NCKAP5: variants seen among roughly 807,000 people sequenced by gnomAD.
The protein encoded by NCKAP5 is NCK associated protein 5.
In NCKAP5, 92 loss-of-function variants were observed where a neutral mutation model predicts 167.0. That is an observed-to-expected ratio of 0.55 (90% confidence interval 0.47 to 0.66). NCKAP5 has a LOEUF of 0.66. Ranked by LOEUF, NCKAP5 falls within the 30% of genes least tolerant of loss-of-function variation. NCKAP5 has a pLI of 0.00. For synonymous variants in NCKAP5, 891 were observed against 877.4 expected, an observed-to-expected ratio of 1.02 and a Z score of -0.27; for missense variants, 2,378 against 2,315.0, an observed-to-expected ratio of 1.03 and a Z score of -0.56.
chr2:133,411,459 C>G (rs989972629), intron 3 of NCKAP5, among the ~76,000 whole-genome samples: 1 of 152,208 alleles, frequency 6.6e-6, no homozygotes, highest in African/African-American at 2.4e-5. Context: ...GGAGAAGGAT[C>G]TGCAGCAGGA....
Position 133,513,911 on chromosome 2 carries a change from T to A in NCKAP5, c.69+3547A>T, listed in dbSNP as rs1037071855. 6.6e-5 allele frequency among the ~76,000 whole-genome samples: 10 copies of A among 152,242 alleles called. No individual in the cohort carries two copies. The South Asian group carries it at 2.1e-3, about 31-fold the overall frequency. Reference sequence around the variant, plus strand: ...AAGAAAGATAACTCATGCTCCAGCATGCTCATCAGCTAAATACTACCACAG... The same window carrying A: ...AAGAAAGATAACTCATGCTCCAGCAAGCTCATCAGCTAAATACTACCACAG... On this transcript the variant is annotated intron_variant, in intron 3 of 19. Transcript: ENST00000409261.
At chr2:133,327,401 C>T (rs867270081) in intron 3 of NCKAP5, among the ~76,000 whole-genome samples, 1 of 152,276 alleles carries the variant, frequency 6.6e-6, no homozygotes, top group Middle Eastern at 3.4e-3. Context: ...GGATTCAAAT[C>T]CCAATTCTAG....
intron 4 of NCKAP5, among the ~76,000 whole-genome samples, chr2:133,224,186 A>G (rs1251410731): frequency 6.6e-6 from 1 of 152,096 alleles, no homozygotes; most frequent in South Asian, 2.1e-4. Flanking sequence ...TCATTTATCC[A>G]TCCATACAGT....
At chr2:133,161,317 A>G (rs1373560726) in intron 5 of NCKAP5, among the ~76,000 whole-genome samples, 3 of 152,168 alleles carry the variant, frequency 2.0e-5, no homozygotes, top group African/African-American at 4.8e-5. Context: ...CATCTTAATC[A>G]TGCTGCACCC....
In NCKAP5 at chr2:133,563,293, G is replaced by A. The variant is rs571565947; in HGVS notation, c.-129-4176C>T. Among the ~76,000 whole-genome samples the A allele has an allele frequency of 5.3e-5, 8 of 152,180 alleles. No individual in the cohort carries two copies. The East Asian group carries it at 7.7e-4, about 15-fold the overall frequency. ...TCTACAAAAAGATTCAGGTCTGGCC[G>A]GGCGCAGTGGCTCACGCCTGTAACC... On this transcript the variant is annotated intron_variant, in intron 1 of 19. Transcript: ENST00000409261.
At chr2:133,076,155 G>A (rs968713806) in intron 6 of NCKAP5, among the ~76,000 whole-genome samples, 1 of 151,992 alleles carries the variant, frequency 6.6e-6, no homozygotes, top group South Asian at 2.1e-4. Context: ...ATTAATTTTT[G>A]TGCATGCAAA....
chr2:133,334,209 G>A (rs1407000951), intron 3 of NCKAP5, among the ~76,000 whole-genome samples: 1 of 152,158 alleles, frequency 6.6e-6, no homozygotes, highest in Non-Finnish European at 1.5e-5. Context: ...TGTGTCTCAG[G>A]TTTCTCACCT....
intron 6 of NCKAP5, among the ~76,000 whole-genome samples, chr2:133,036,413 A>G (rs912333299): frequency 6.6e-6 from 1 of 152,092 alleles, no homozygotes; most frequent in South Asian, 2.1e-4. Context: ...TGATGCAAAA[A>G]TCCTTAACAA....
chr2:132,723,112 C>T (rs1453829649), intron 19 of NCKAP5, among the ~76,000 whole-genome samples: 1 of 151,808 alleles, frequency 6.6e-6, no homozygotes, highest in Non-Finnish European at 1.5e-5. Flanking sequence ...CAGGCATGAG[C>T]CACCATGCCT....
chr2:133,155,267 A>G (rs2083531262), intron 5 of NCKAP5, among the ~76,000 whole-genome samples: 1 of 152,092 alleles, frequency 6.6e-6, no homozygotes, highest in Non-Finnish European at 1.5e-5. Context: ...TATTCACCTG[A>G]CTCAATGATT....
intron 19 of NCKAP5, among the ~76,000 whole-genome samples, chr2:132,718,872 G>A (rs1689631919): frequency 1.3e-5 from 2 of 152,200 alleles, no homozygotes; most frequent in Admixed American, 6.5e-5. Flanking sequence ...AGTTGAATGT[G>A]CAAACAAACA....
chr2:133,009,836 G>A (rs868203333), intron 6 of NCKAP5, among the ~76,000 whole-genome samples: 38 of 152,084 alleles, frequency 2.5e-4, no homozygotes, highest in African/African-American at 8.4e-4. Context: ...TTGGGAGGCC[G>A]AGGTGGGTGG....
intron 11 of NCKAP5, among the ~76,000 whole-genome samples, chr2:132,848,488 G>T (rs1057294696): frequency 1.6e-4 from 24 of 152,210 alleles, no homozygotes; most frequent in African/African-American, 5.8e-4. Context: ...TATGAGCAAG[G>T]CTTATTGGAA....
intron 3 of NCKAP5, among the ~76,000 whole-genome samples, chr2:133,498,464 AAGGAAGGAAGGAAGGAAGGCAGGC>A (rs1163302546): frequency 5.0e-5 from 7 of 139,246 alleles, no homozygotes; most frequent in African/African-American, 2.1e-4. Flanking sequence ...GGAAGGAAGG[AAGGAAGGAAGGAAGGAAGGCAGGC>A]AGGCAGGCAG....
chr2:132,734,674 C>A (rs72844773), intron 16 of NCKAP5, among the ~76,000 whole-genome samples: 17,944 of 152,252 alleles, frequency 0.12, 1,314 homozygotes, highest in East Asian at 0.16. Flanking sequence ...TTCATCCTCA[C>A]ATACCTATAA....
chr2:132,815,146 G>C (rs1269104806), intron 11 of NCKAP5, among the ~76,000 whole-genome samples: 1 of 152,106 alleles, frequency 6.6e-6, no homozygotes, highest in East Asian at 1.9e-4. Context: ...TACTTTGATG[G>C]AAACTTTTTT....
rs755433825 is a variant in NCKAP5, at chr2:133,160,698, C to T, written c.208-30587G>A. ...ACCCTCCAATGTGGACAGACTGGCC[C>T]TTTTAGGTGCACAATTTACTCACCC... On this transcript the variant is annotated intron_variant, in intron 5 of 19. Transcript: ENST00000409261. 2.0e-5 allele frequency among the ~76,000 whole-genome samples: 3 copies of T among 152,166 alleles called. No homozygotes were observed. In the East Asian group the frequency reaches 5.8e-4, roughly 30 times the overall value.
chr2:132,722,263 G>A (rs72987788), intron 19 of NCKAP5, among the ~76,000 whole-genome samples: 57 of 152,220 alleles, frequency 3.7e-4, no homozygotes, highest in African/African-American at 1.3e-3. Flanking sequence ...CCTTTTTCAG[G>A]ACACTTAGAC....
At chr2:132,842,030 T>C (rs747639973) in intron 11 of NCKAP5, among the ~76,000 whole-genome samples, 1 of 152,170 alleles carries the variant, frequency 6.6e-6, no homozygotes, top group Non-Finnish European at 1.5e-5. Context: ...TTGTATGGTA[T>C]GACATAATCT....
Sources: gnomAD v4.1 joint callset for allele counts (sites outside exome capture counted in the v4.1 genomes callset) on GRCh38, gnomAD v4.1.1 for gene constraint, MANE v1.5 for transcripts, NCBI Gene and HGNC (gene_info 2026-07-23, HGNC 2026-07-21) for gene names.